EXTL1: variants seen among roughly 807,000 people sequenced by gnomAD.
The protein encoded by EXTL1 is exostosin-like 1.
A neutral mutation model predicts 64.6 loss-of-function variants in EXTL1; 43 were observed. The observed-to-expected ratio is 0.67, with a 90% CI of 0.52 to 0.86. The LOEUF is 0.86. EXTL1 is among the 40% of genes least tolerant of loss of function. The probability of loss-of-function intolerance (pLI) is 0.00; values close to 1 mark genes in which losing one functional copy is unlikely to be tolerated. For synonymous variants in EXTL1, 352 were observed against 360.5 expected, an observed-to-expected ratio of 0.98 and a Z score of 0.27; for missense variants, 766 against 879.0, an observed-to-expected ratio of 0.87 and a Z score of 1.62.
rs1014991008 is a variant in EXTL1 at position 26,027,039 on chromosome 1, T to C, written c.780-2154T>C. 5.9e-5 allele frequency among the ~76,000 whole-genome samples: 9 copies of C among 152,330 alleles called. No homozygotes were observed. In the South Asian group the frequency reaches 1.4e-3, roughly 25 times the overall value. ...TTTCTGCTGAAATTGACCTCCCAGA[T>C]ACCTGGTCTCTTGGTCCCAGATCTA... is the stretch of plus-strand genomic sequence containing the variant. On this transcript the variant is annotated intron_variant, in intron 1 of 10. Coordinates refer to ENST00000374280, the MANE Select transcript of EXTL1 (RefSeq NM_004455.3).
chr1:26,031,045 G>A, intron 4 of EXTL1, 87 bp from the exon 5 acceptor site: 2 of 1,554,612 alleles, frequency 1.3e-6, no homozygotes, highest in Non-Finnish European at 1.8e-6. Flanking sequence ...TGGTGATGCA[G>A]CTGCCACCCT....
intron 3 of EXTL1, 81 bp downstream of exon 3, chr1:26,029,788 T>C: frequency 1.2e-6 from 1 of 866,652 alleles, no homozygotes; most frequent in Non-Finnish European, 1.9e-6. Flanking sequence ...GAGGCTGGCC[T>C]CAGTCCTCAT....
chr1:26,031,007 C>A, intron 4 of EXTL1, 125 bp from the exon 5 acceptor site: 2 of 1,196,988 alleles, frequency 1.7e-6, no homozygotes, highest in Non-Finnish European at 1.2e-6. Flanking sequence ...GCCCCCTACT[C>A]TAGACTCAGC....
rs1260777743 is a variant in EXTL1 at position 26,029,181 on chromosome 1, G to A, written c.780-12G>A. On this transcript the variant is annotated splice_polypyrimidine_tract_variant and intron_variant, in intron 1 of 10. Coordinates refer to ENST00000374280, the MANE Select transcript of EXTL1 (RefSeq NM_004455.3). ...CTCATGTGTGGTGGGACCTCCCCAT[G>A]TGCCTCTTTAGGACCCAGCGCCAGG... 6.2e-7 allele frequency: 1 copy of A among 1,607,064 alleles called. No homozygotes were observed. Among genetic ancestry groups the A allele is most frequent in the Non-Finnish European group, 8.5e-7 (1 of 1,174,236 alleles).
chr1:26,033,613 C>T lies in EXTL1; in HGVS notation c.1519-83C>T. On this transcript the variant is annotated intron_variant, in intron 8 of 10. Transcript: ENST00000374280. This position sits in a 1 kb window ranked among gnomAD's most constrained non-coding sequence, Gnocchi z 5.1. ...CTGAGTCCTGCCCGGGCCCCTCAGC[C>T]AGGCTGCCCCTGCCTCCATTTCCCT... 2.0e-6 allele frequency: 3 copies of T among 1,468,964 alleles called. No individual in the cohort carries two copies. The highest frequency in any genetic ancestry group is 2.5e-5 in the South Asian group (2 of 79,672). The allele number at this position is 1,468,964 out of a possible 1,614,324, so 91.0% of individuals were successfully genotyped here.
chr1:26,028,333 C>G (rs1411288832), intron 1 of EXTL1, among the ~76,000 whole-genome samples: 1 of 152,210 alleles, frequency 6.6e-6, no homozygotes, highest in African/African-American at 2.4e-5. Context: ...GGCATGGCCC[C>G]GAGGCTGCCT....
chr1:26,023,452 T>G, intron 1 of EXTL1, 27 bp downstream of exon 1: 1 of 1,423,458 alleles, frequency 7.0e-7, no homozygotes, highest in Non-Finnish European at 9.2e-7. Context: ...CCTTGGGGGC[T>G]GGATGGGAGG....
chr1:26,031,559 G>A lies in EXTL1; in HGVS notation c.1334G>A (p.Cys445Tyr). The change falls in exon 6 of 11, where the codon TGT (cysteine) becomes TAT (tyrosine). Residue 445 changes from cysteine (C) to tyrosine (Y), a missense_variant. This residue lies in a region of EXTL1 where 571 missense variants were observed against 647.6 expected (regional missense o/e 0.88). Transcript: ENST00000374280. ...CAGGCGGTGGCAGGCTCCCAGCACT[G>A]TGCCCAGGTCTGCCCCCTTCCCAGC... The part of the protein sequence containing the change: ...LIQAVAGSQH[C>Y]AQILVLWSNE... The A allele has an allele frequency of 6.3e-7, 1 of 1,582,080 alleles. No homozygotes were observed. Among genetic ancestry groups the A allele is most frequent in the Non-Finnish European group, 8.6e-7 (1 of 1,163,420 alleles).
rs773599457 is a variant in EXTL1 at position 26,029,597 on chromosome 1, C to A, written c.874-3C>A. 2.1e-5 allele frequency: 34 copies of A among 1,593,546 alleles called. No homozygotes were observed. Among genetic ancestry groups the A allele is most frequent in the Non-Finnish European group, 2.6e-5 (30 of 1,167,262 alleles). On this transcript the variant is annotated splice_region_variant and splice_polypyrimidine_tract_variant and intron_variant, in intron 2 of 10. Coordinates refer to ENST00000374280, the MANE Select transcript of EXTL1 (RefSeq NM_004455.3). ...GCTCCCCAGTGACCTCCCCGCCCCC[C>A]AGGCCGGCTGCATCCCAGTGCTTCT...
chr1:26,035,235 C>T lies in EXTL1; in HGVS notation c.1919C>T (p.Ala640Val). 1 of 1,613,568 alleles carries T rather than the reference C, an allele frequency of 6.2e-7. No homozygotes were observed. ...CCCGACTGCATCAACCAGATAGCGG[C>T]AGCGTTCGGCCACATGCCCTTGCTG... ...PAPDCINQIAAAFGHMPLLSS... is the reference protein window; with the variant it reads ...PAPDCINQIAVAFGHMPLLSS... The change falls in exon 11 of 11, where the codon GCA becomes GTA. Residue 640 changes from alanine (A) to valine (V), a missense_variant. Ala to Val is a moderately conservative substitution (Grantham distance 64, BLOSUM62 0). Transcript: ENST00000374280. This position sits in a 1 kb window ranked among gnomAD's most constrained non-coding sequence, Gnocchi z 5.3.
chr1:26,033,109 C>A lies in EXTL1; in HGVS notation c.1432-120C>A. The stretch of plus-strand genomic sequence containing the variant: ...TGAGGCCCAGGCGTCTACACTGTGC[C>A]TGAAGGGAGGCTTTATTCATGGCTC... On this transcript the variant is annotated intron_variant, in intron 7 of 10. Coordinates refer to ENST00000374280, the MANE Select transcript of EXTL1 (RefSeq NM_004455.3). This position sits in a 1 kb window ranked among gnomAD's most constrained non-coding sequence, Gnocchi z 5.1. 1 of 731,612 alleles carries A rather than the reference C, an allele frequency of 1.4e-6. No individual in the cohort carries two copies. 45.3% of individuals were successfully genotyped at this position (731,612 alleles called of 1,614,324 possible). A position where few individuals can be genotyped will look rare whatever the true frequency, so the allele number is the denominator to read the frequency against.
intron 2 of EXTL1, 90 bp from the exon 3 acceptor site, chr1:26,029,510 C>T: frequency 1.2e-6 from 1 of 804,000 alleles, no homozygotes; most frequent in Non-Finnish European, 2.1e-6. Flanking sequence ...CCCTTGCCCC[C>T]AACAGCAGCA....
intron 7 of EXTL1, 97 bp downstream of exon 7, chr1:26,032,582 C>A: frequency 1.2e-6 from 1 of 827,542 alleles, no homozygotes. Context: ...GCCTGAGCCG[C>A]AGTTGGGCCT....
At chr1:26,030,448 C>A in intron 3 of EXTL1, 28 bp from the exon 4 acceptor site, 1 of 1,599,704 alleles carries the variant, frequency 6.3e-7, no homozygotes, top group Non-Finnish European at 8.5e-7. Context: ...GCTCTATTAC[C>A]TGGCACTTTT....
At position 26,023,384 on chromosome 1, in the gene EXTL1, C is replaced by T. The variant is rs1468090666; in HGVS notation, c.738C>T (p.Cys246=). The change falls in exon 1 of 11, where the codon TGC becomes TGT. Residue 246 remains cysteine (C), a synonymous_variant. Coordinates refer to ENST00000374280, the MANE Select transcript of EXTL1 (RefSeq NM_004455.3). ...CAGCAGACACTGGCTCCTCTGCCTG[C>T]CCCTGGGATGGGCGCTGTGAGCAAG... The part of the protein sequence containing the change: ...WRTADTGSSA[C]PWDGRCEQDP... 1 of 1,458,930 alleles carries T rather than the reference C, an allele frequency of 6.9e-7. No homozygotes were observed. Among genetic ancestry groups the T allele is most frequent in the Non-Finnish European group, 9.1e-7 (1 of 1,102,430 alleles). The allele number at this position is 1,458,930 out of a possible 1,614,324, so 90.4% of individuals were successfully genotyped here.
rs369741361 is a variant in EXTL1 at position 26,029,643 on chromosome 1, C to A, written c.917C>A (p.Pro306His). 8.1e-6 allele frequency: 13 copies of A among 1,611,960 alleles called. No homozygotes were observed. The African/African-American group carries it at 1.7e-4, about 22-fold the overall frequency. ...PVLLSPRWEL[P>H]FSEVIDWTKA... ...CTTCTCAGCCCCCGCTGGGAGCTGC[C>A]CTTCTCCGAGGTCATCGACTGGACC... is the stretch of plus-strand genomic sequence containing the variant. Residue 306 changes from proline (P) to histidine (H), a missense_variant, in exon 3 of 11, where the codon CCC becomes CAC. Transcript: ENST00000374280.
intron 3 of EXTL1, 151 bp downstream of exon 3, chr1:26,029,858 G>GA: frequency 1.6e-6 from 1 of 614,544 alleles, no homozygotes; most frequent in Non-Finnish European, 3.0e-6. Flanking sequence ...TCCCCTCTGG[G>GA]GCTCCCAGAG....
rs765296763 is a variant in EXTL1 at position 26,022,680 on chromosome 1, C to G, written c.34C>G (p.Leu12Val). The G allele has an allele frequency of 6.2e-7, 1 of 1,610,368 alleles. No homozygotes were observed. Among genetic ancestry groups the G allele is most frequent in the South Asian group, 1.1e-5 (1 of 90,474 alleles). Residue 12 changes from leucine (L) to valine (V), a missense_variant, in exon 1 of 11, where the codon CTG becomes GTG. This residue lies in a region of EXTL1 where 571 missense variants were observed against 647.6 expected (regional missense o/e 0.88). Transcript: ENST00000374280. ...QSWRRRKSLW[L>V]ALSASWLLLV... ...GTGGAGGAGAAGAAAGTCCCTGTGG[C>G]TGGCACTGTCAGCCTCCTGGCTCCT...
rs745857201 is a variant in EXTL1, at chr1:26,035,523, T to G, written c.*176T>G. 1.2e-5 allele frequency: 6 copies of G among 492,982 alleles called. No homozygotes were observed. Among genetic ancestry groups the G allele is most frequent in the African/African-American group, 2.0e-5 (1 of 51,232 alleles). 30.5% of individuals were successfully genotyped at this position (492,982 alleles called of 1,614,324 possible). On this transcript the variant is annotated 3_prime_UTR_variant, in exon 11 of 11. Coordinates refer to ENST00000374280, the MANE Select transcript of EXTL1 (RefSeq NM_004455.3). This position sits in a 1 kb window ranked among gnomAD's most constrained non-coding sequence, Gnocchi z 5.3. ...AGGGGGGCGTGGCCTTACCTTCTCCTGCTCGCCCTCAGCCGCGGAGCCTCT... is the reference window on the plus strand; with the variant it reads ...AGGGGGGCGTGGCCTTACCTTCTCCGGCTCGCCCTCAGCCGCGGAGCCTCT...
Sources: gnomAD v4.1 joint callset for allele counts (sites outside exome capture counted in the v4.1 genomes callset) on GRCh38, gnomAD v4.1.1 for gene constraint, gnomAD v4.1.1 regional missense constraint, Gnocchi (gnomAD v3.1) non-coding constraint, MANE v1.5 for transcripts, NCBI Gene and HGNC (gene_info 2026-07-23, HGNC 2026-07-21) for gene names.